Variants in ASAP1 observed in about 807,000 individuals in gnomAD.
ASAP1 encodes the protein ArfGAP with SH3 domain, ankyrin repeat and PH domain 1, also known as arf-GAP with SH3 domain, ANK repeat and PH domain-containing protein 1.
ASAP1 carries 43 observed loss-of-function variants against 145.2 expected under a neutral mutation model. The ratio of observed to expected loss-of-function variants is 0.30; its 90% CI spans 0.23 to 0.38. The LOEUF (loss-of-function observed/expected upper bound fraction) is 0.38, where lower values mean the gene tolerates loss of function less well. Among genes scored for constraint, ASAP1 ranks in the 10% least tolerant of loss-of-function variants. ASAP1 has a pLI of 1.00. For synonymous variants in ASAP1, 546 were observed against 515.5 expected (o/e 1.06, Z -0.80); for missense variants, 1,018 against 1,355.3 (o/e 0.75, Z 3.91).
intron 4 of ASAP1, among the ~76,000 whole-genome samples, chr8:130,218,856 T>C (rs1817100193): frequency 6.6e-6 from 1 of 151,918 alleles, no homozygotes; most frequent in Non-Finnish European, 1.5e-5. Context: ...TCCATATATA[T>C]ATATATATGC....
intron 3 of ASAP1, among the ~76,000 whole-genome samples, chr8:130,309,498 G>A (rs562772693): frequency 6.6e-6 from 1 of 152,288 alleles, no homozygotes; most frequent in South Asian, 2.1e-4. Context: ...ATAAGATGAG[G>A]CACGGTATGC....
chr8:130,362,529 A>ATTTT (rs909482484), intron 2 of ASAP1, among the ~76,000 whole-genome samples: 8 of 152,216 alleles, frequency 5.3e-5, no homozygotes, highest in Non-Finnish European at 1.2e-4. Context: ...TAATCAACCA[A>ATTTT]TGTGAATTCC....
At chr8:130,069,735 G>A (rs2097438396) in intron 27 of ASAP1, 1 of 152,158 alleles carries the variant, frequency 6.6e-6, no homozygotes, top group Non-Finnish European at 1.5e-5. Flanking sequence ...CCCTAACCCA[G>A]TTTACTGTAT....
chr8:130,266,252 A>G (rs992895182), intron 3 of ASAP1, among the ~76,000 whole-genome samples: 1 of 152,082 alleles, frequency 6.6e-6, no homozygotes, highest in African/African-American at 2.4e-5. Flanking sequence ...GAGGAGTCTG[A>G]CCTGAGATTA....
chr8:130,150,295 CAAT>C (rs777551493), intron 13 of ASAP1, among the ~76,000 whole-genome samples: 3 of 152,130 alleles, frequency 2.0e-5, no homozygotes, highest in Non-Finnish European at 4.4e-5. Flanking sequence ...TTGGCCACAA[CAAT>C]GTGTTTTGGC....
Position 130,358,557 on chromosome 8 carries a change from C to A in ASAP1, c.60-414G>T, listed in dbSNP as rs934519957. 3.4e-5 allele frequency among the ~76,000 whole-genome samples: 5 copies of A among 147,308 alleles called. No homozygotes were observed. Among genetic ancestry groups the A allele is most frequent in the Non-Finnish European group, 3.0e-5 (2 of 66,150 alleles). On this transcript the variant is annotated intron_variant, in intron 2 of 29. Coordinates refer to ENST00000518721, the MANE Select transcript of ASAP1 (RefSeq NM_018482.4). This position sits in a 1 kb window ranked among gnomAD's most constrained non-coding sequence, Gnocchi z 4.1. ...GCTGGGGCGCCCGGCGCTGCCTCCTCAGACGCGCTGACAGGCGGCGGCGCG... is the reference window on the plus strand; with the variant it reads ...GCTGGGGCGCCCGGCGCTGCCTCCTAAGACGCGCTGACAGGCGGCGGCGCG...
chr8:130,200,273 ATAAAT>A (rs200643581), intron 5 of ASAP1, among the ~76,000 whole-genome samples: 2,251 of 152,306 alleles, frequency 0.015, 30 homozygotes, highest in African/African-American at 0.038. Context: ...AGTTGGGTAA[ATAAAT>A]TATAGTGCAA....
At chr8:130,107,531 T>C (rs1280073809) in intron 24 of ASAP1, among the ~76,000 whole-genome samples, 2 of 87,180 alleles carry the variant, frequency 2.3e-5, no homozygotes, top group African/African-American at 7.5e-5. Flanking sequence ...TGTATGTATG[T>C]ATGTATGTAT....
intron 3 of ASAP1, among the ~76,000 whole-genome samples, chr8:130,338,284 G>A (rs996465906): frequency 6.6e-6 from 1 of 152,218 alleles, no homozygotes; most frequent in African/African-American, 2.4e-5. Flanking sequence ...AGTGGCAGCA[G>A]CAGGCTTAAC....
At chr8:130,298,042 T>G (rs1227617633) in intron 3 of ASAP1, among the ~76,000 whole-genome samples, 1 of 152,184 alleles carries the variant, frequency 6.6e-6, no homozygotes, top group Non-Finnish European at 1.5e-5. Context: ...TGAATCCCCA[T>G]GTCTTCATTG....
intron 3 of ASAP1, among the ~76,000 whole-genome samples, chr8:130,253,093 T>C (rs550481444): frequency 6.6e-6 from 1 of 152,146 alleles, no homozygotes; most frequent in Non-Finnish European, 1.5e-5. Context: ...TCAGGCTTAG[T>C]TACACAATTT....
intron 9 of ASAP1, among the ~76,000 whole-genome samples, chr8:130,177,519 G>A (rs1222350945): frequency 6.6e-6 from 1 of 151,932 alleles, no homozygotes; most frequent in Non-Finnish European, 1.5e-5. Flanking sequence ...CTAAAATCAG[G>A]GACCATTAGA....
chr8:130,072,824 T>TGTGTGTGCGTGTGCGC, intron 27 of ASAP1, among the ~76,000 whole-genome samples: 1 of 32,282 alleles, frequency 3.1e-5, no homozygotes, highest in Non-Finnish European at 5.7e-5. Flanking sequence ...TGTGTGTGTG[T>TGTGTGTGCGTGTGCGC]GCGCGCGGGG....
At chr8:130,114,451 A>T (rs1476642672) in intron 23 of ASAP1, among the ~76,000 whole-genome samples, 1 of 152,238 alleles carries the variant, frequency 6.6e-6, no homozygotes, top group African/African-American at 2.4e-5. Context: ...ACTTTCCATA[A>T]ATGGAGCTGG....
At chr8:130,281,175 C>A (rs1202772364) in intron 3 of ASAP1, among the ~76,000 whole-genome samples, 1 of 152,128 alleles carries the variant, frequency 6.6e-6, no homozygotes, top group Non-Finnish European at 1.5e-5. Context: ...ATTACCTTAT[C>A]TGTAAAACTG....
At chr8:130,265,923 A>G (rs984497442) in intron 3 of ASAP1, among the ~76,000 whole-genome samples, 1 of 152,226 alleles carries the variant, frequency 6.6e-6, no homozygotes, top group Non-Finnish European at 1.5e-5. Flanking sequence ...AGCATAAAGC[A>G]CACAGAAGTT....
chr8:130,169,276 A>G lies in ASAP1; in HGVS notation c.747-209T>C, dbSNP rs150279620. Among the ~76,000 whole-genome samples the G allele has an allele frequency of 6.4e-3, 968 of 152,354 alleles. 1 individual carries two copies. The highest frequency in any genetic ancestry group is 0.01 in the Non-Finnish European group (690 of 68,036). On this transcript the variant is annotated intron_variant, in intron 9 of 29. Transcript: ENST00000518721. ...ATTTTATAAAGATGTACCAACAAAT[A>G]AATTATGGCTGTCAGTTGACATTTG...
intron 5 of ASAP1, among the ~76,000 whole-genome samples, chr8:130,206,691 G>A (rs1816248031): frequency 6.6e-6 from 1 of 152,152 alleles, no homozygotes; most frequent in Non-Finnish European, 1.5e-5. Context: ...ATACTTCCGG[G>A]TGACTCCCAC....
chr8:130,075,023 C>T (rs2097459145), intron 27 of ASAP1, among the ~76,000 whole-genome samples: 3 of 152,070 alleles, frequency 2.0e-5, no homozygotes, highest in Admixed American at 2.0e-4. Context: ...GAAGAGCTGG[C>T]GGCAGTTGCG....
Sources: gnomAD v4.1 joint callset for allele counts (sites outside exome capture counted in the v4.1 genomes callset) on GRCh38, gnomAD v4.1.1 for gene constraint, Gnocchi (gnomAD v3.1) non-coding constraint, MANE v1.5 for transcripts, NCBI Gene and HGNC (gene_info 2026-07-23, HGNC 2026-07-21) for gene names.